The following SPOCK3 variants were observed in gnomAD, a reference collection of about 807,000 sequenced individuals.
SPOCK3 encodes the protein testican-3.
SPOCK3 carries 30 observed loss-of-function variants against 56.6 expected under a neutral mutation model. The ratio of observed to expected loss-of-function variants is 0.53; its 90% CI spans 0.40 to 0.72. The LOEUF (loss-of-function observed/expected upper bound fraction) is 0.72. Ranked by LOEUF, SPOCK3 falls within the 30% of genes least tolerant of loss-of-function variation. SPOCK3 has a pLI of 0.00. For missense variants in SPOCK3, 527 were observed against 530.0 expected (o/e 0.99, Z 0.06); for synonymous variants, 196 against 183.3 (o/e 1.07, Z -0.56).
chr4:167,159,549 C>A (rs1191162761), intron 2 of SPOCK3, among the ~76,000 whole-genome samples: 3 of 152,086 alleles, frequency 2.0e-5, no homozygotes, highest in Non-Finnish European at 2.9e-5. Flanking sequence ...ATGAGGCCAG[C>A]ATCATCCTGA....
chr4:166,942,372 A>G (rs62355380), intron 4 of SPOCK3, among the ~76,000 whole-genome samples: 114,676 of 151,296 alleles, frequency 0.76, 43,652 homozygotes, highest in East Asian at 0.92. Flanking sequence ...CACCATACCC[A>G]GCTAATTTTT....
chr4:166,739,494 A>G (rs1027966142), intron 9 of SPOCK3, among the ~76,000 whole-genome samples: 2 of 151,336 alleles, frequency 1.3e-5, no homozygotes, highest in African/African-American at 4.9e-5. Context: ...ATCCACCTCA[A>G]CCTCCCAGAA....
At chr4:167,011,200 A>G (rs943005698) in intron 3 of SPOCK3, 7 of 446,288 alleles carry the variant, frequency 1.6e-5, no homozygotes, top group Non-Finnish European at 3.1e-5. Context: ...AAAATACAAA[A>G]AAAAATGCGG....
intron 2 of SPOCK3, among the ~76,000 whole-genome samples, chr4:167,211,297 A>G (rs577002849): frequency 2.0e-4 from 30 of 152,254 alleles, no homozygotes; most frequent in Admixed American, 1.7e-3. Flanking sequence ...TTACAGGCTC[A>G]TAGGAGGAAG....
chr4:166,989,510 C>T (rs963311330), intron 4 of SPOCK3, among the ~76,000 whole-genome samples: 2 of 152,038 alleles, frequency 1.3e-5, no homozygotes, highest in African/African-American at 4.8e-5. Context: ...GTCTTATGTG[C>T]TACAGCTTTT....
At chr4:167,191,672 G>GT (rs199805527) in intron 2 of SPOCK3, among the ~76,000 whole-genome samples, 8,442 of 143,184 alleles carry the variant, frequency 0.059, 949 homozygotes, top group Admixed American at 0.093. Flanking sequence ...AGTTCTGACA[G>GT]TTTTTTTTTG....
chr4:166,794,620 CT>C (rs950662897), intron 6 of SPOCK3, among the ~76,000 whole-genome samples: 17 of 139,410 alleles, frequency 1.2e-4, no homozygotes, highest in South Asian at 4.7e-4. Flanking sequence ...GTTTCTTTTT[CT>C]TTTTTTTTTC....
intron 3 of SPOCK3, among the ~76,000 whole-genome samples, chr4:167,006,435 AGAC>A (rs1257860858): frequency 1.3e-5 from 2 of 152,112 alleles, no homozygotes; most frequent in African/African-American, 4.8e-5. Flanking sequence ...ATATCTAGTA[AGAC>A]AAGCAGAAAA....
chr4:166,747,742 T>A (rs1411533973), intron 8 of SPOCK3, among the ~76,000 whole-genome samples: 3 of 152,082 alleles, frequency 2.0e-5, no homozygotes, highest in Admixed American at 1.3e-4. Context: ...AACCCCACTG[T>A]CTCAGCCCAA....
chr4:166,831,882 G>A (rs577764211), intron 6 of SPOCK3, among the ~76,000 whole-genome samples: 10 of 149,992 alleles, frequency 6.7e-5, no homozygotes, highest in East Asian at 2.0e-4. Context: ...TTGACTGCTC[G>A]CGTGTCTTCT....
intron 4 of SPOCK3, chr4:166,918,294 T>C (rs1369158110): frequency 6.6e-6 from 1 of 152,310 alleles, no homozygotes; most frequent in East Asian, 1.9e-4. Context: ...AAATGATTTC[T>C]ATATTGTATG....
chr4:166,875,738 C>T (rs548763953), intron 6 of SPOCK3, among the ~76,000 whole-genome samples: 32 of 152,172 alleles, frequency 2.1e-4, no homozygotes, highest in African/African-American at 6.5e-4. Context: ...AGGTTTAGGA[C>T]CAGACAGGAC....
At chr4:166,841,711 G>A (rs971481154) in intron 6 of SPOCK3, among the ~76,000 whole-genome samples, 5 of 152,144 alleles carry the variant, frequency 3.3e-5, no homozygotes, top group Admixed American at 2.0e-4. Flanking sequence ...CCCTGTGCCT[G>A]TGGAAGGCAG....
At chr4:167,030,098 TATC>T (rs760796088) in intron 3 of SPOCK3, among the ~76,000 whole-genome samples, 76 of 151,260 alleles carry the variant, frequency 5.0e-4, no homozygotes, top group African/African-American at 1.3e-3. Flanking sequence ...TCTATCTATC[TATC>T]TATCTATCTA....
intron 2 of SPOCK3, among the ~76,000 whole-genome samples, chr4:167,145,835 A>T (rs1763902554): frequency 6.6e-6 from 1 of 152,180 alleles, no homozygotes; most frequent in Non-Finnish European, 1.5e-5. Context: ...AGGGACAACC[A>T]GTACCAGCCA....
intron 4 of SPOCK3, among the ~76,000 whole-genome samples, chr4:166,996,701 G>T (rs1365783219): frequency 6.6e-6 from 1 of 152,078 alleles, no homozygotes; most frequent in African/African-American, 2.4e-5. Flanking sequence ...GTTCTTCACA[G>T]AAAAAGCCAT....
chr4:166,877,395 C>A (rs1163268010), intron 6 of SPOCK3, among the ~76,000 whole-genome samples: 1 of 152,114 alleles, frequency 6.6e-6, no homozygotes, highest in Non-Finnish European at 1.5e-5. Flanking sequence ...GGTGTTAAAA[C>A]TGCCAAATTT....
intron 2 of SPOCK3, among the ~76,000 whole-genome samples, chr4:167,099,269 T>C (rs1054911941): frequency 2.0e-5 from 3 of 151,990 alleles, no homozygotes; most frequent in African/African-American, 7.2e-5. Flanking sequence ...GTTTTATGAT[T>C]TTAAGTTATT....
chr4:167,047,947 G>C (rs1303128438), intron 3 of SPOCK3, among the ~76,000 whole-genome samples: 1 of 152,132 alleles, frequency 6.6e-6, no homozygotes, highest in Admixed American at 6.5e-5. Flanking sequence ...TTAGGAGGCT[G>C]AGCCAGGAGA....
Sources: gnomAD v4.1 joint callset for allele counts (sites outside exome capture counted in the v4.1 genomes callset) on GRCh38, gnomAD v4.1.1 for gene constraint, MANE v1.5 for transcripts, NCBI Gene and HGNC (gene_info 2026-07-23, HGNC 2026-07-21) for gene names.